TUSC3: variants seen among roughly 807,000 people sequenced by gnomAD.
The protein encoded by TUSC3 is tumor suppressor candidate 3.
Under a neutral mutation model 44.8 loss-of-function variants are expected in TUSC3, and 45 were observed. The observed-to-expected ratio is 1.00, with a 90% CI of 0.79 to 1.29. The LOEUF (loss-of-function observed/expected upper bound fraction) is 1.29. Ranked by LOEUF, TUSC3 falls within the 50% of genes most tolerant of loss-of-function variation. The pLI is 0.00. For missense variants in TUSC3, 519 were observed against 437.9 expected, an observed-to-expected ratio of 1.19 and a Z score of -1.65; for synonymous variants, 212 against 152.9, an observed-to-expected ratio of 1.39 and a Z score of -2.85.
the TUSC3 span, among the ~76,000 whole-genome samples, chr8:15,849,860 A>T: frequency 2.0e-5 from 3 of 152,170 alleles, no homozygotes; most frequent in East Asian, 5.8e-4. Flanking sequence ...GGCTCACTCC[A>T]GTGCTGAGCT....
At chr8:15,710,955 A>T (rs1352347951) in intron 6 of TUSC3, among the ~76,000 whole-genome samples, 3 of 151,124 alleles carry the variant, frequency 2.0e-5, no homozygotes, top group African/African-American at 7.3e-5. Flanking sequence ...ATTTCACTTA[A>T]CTTTGCAGTC....
intron 2 of TUSC3, among the ~76,000 whole-genome samples, chr8:15,493,376 A>G (rs1177470117): frequency 6.6e-6 from 1 of 152,008 alleles, no homozygotes; most frequent in Non-Finnish European, 1.5e-5. Context: ...TCCTCCTGCC[A>G]CAGCCTCCTG....
intron 1 of TUSC3, among the ~76,000 whole-genome samples, chr8:15,438,064 T>G (rs559550494): frequency 1.1e-3 from 161 of 152,264 alleles, no homozygotes; most frequent in Middle Eastern, 6.8e-3. Flanking sequence ...GAAATGAGGT[T>G]GTTGTGTTTT....
At chr8:15,692,386 T>G (rs867091205) in intron 6 of TUSC3, among the ~76,000 whole-genome samples, 2,728 of 142,234 alleles carry the variant, frequency 0.019, 110 homozygotes, top group African/African-American at 0.067. Context: ...TTTTTTTTTT[T>G]TTTTTTTTTT....
rs1206738492 is a variant in TUSC3 at position 15,549,494 on chromosome 8, G to C, written c.138+8926G>C. 2.6e-5 allele frequency among the ~76,000 whole-genome samples: 4 copies of C among 151,572 alleles called. 1 individual carries two copies. Among genetic ancestry groups the C allele is most frequent in the South Asian group, 2.1e-4 (1 of 4,784 alleles). On this transcript the variant is annotated intron_variant, in intron 1 of 10. Coordinates refer to ENST00000503731, the MANE Select transcript of TUSC3 (RefSeq NM_006765.4). ...GCCTAATGTACTTACTTATTTTTTTGTGTGTGCCTATAATTGATTGGTAGG... is the reference window on the plus strand; with the variant it reads ...GCCTAATGTACTTACTTATTTTTTTCTGTGTGCCTATAATTGATTGGTAGG...
At chr8:15,555,000 A>C (rs1294802869) in intron 1 of TUSC3, among the ~76,000 whole-genome samples, 1 of 151,504 alleles carries the variant, frequency 6.6e-6, no homozygotes, top group African/African-American at 2.4e-5. Context: ...GGGCTATTTA[A>C]GTTTGGGGTT....
At chr8:15,494,056 T>C (rs892258055) in intron 2 of TUSC3, among the ~76,000 whole-genome samples, 2 of 152,184 alleles carry the variant, frequency 1.3e-5, no homozygotes, top group Non-Finnish European at 2.9e-5. Context: ...AGATCTTTGT[T>C]CAAAAATAAC....
intron 6 of TUSC3, among the ~76,000 whole-genome samples, chr8:15,705,352 G>A (rs1347509400): frequency 3.3e-5 from 5 of 151,908 alleles, no homozygotes; most frequent in Non-Finnish European, 7.4e-5. Flanking sequence ...TCAAATTATT[G>A]TTATGGAAAA....
intron 1 of TUSC3, among the ~76,000 whole-genome samples, chr8:15,617,002 G>A (rs554178711): frequency 1.8e-4 from 27 of 152,238 alleles, no homozygotes; most frequent in African/African-American, 6.3e-4. Flanking sequence ...AGAGATTTCC[G>A]GCTAGCGAAG....
chr8:15,839,141 A>G, the TUSC3 span, among the ~76,000 whole-genome samples: 1 of 152,140 alleles, frequency 6.6e-6, no homozygotes. Flanking sequence ...GAGTTCACTC[A>G]TGATTTGGCT....
chr8:15,568,999 C>T (rs1802772267), intron 1 of TUSC3, among the ~76,000 whole-genome samples: 1 of 151,834 alleles, frequency 6.6e-6, no homozygotes, highest in Non-Finnish European at 1.5e-5. Context: ...GTAAATATTG[C>T]CAAGTAGACC....
intron 2 of TUSC3, among the ~76,000 whole-genome samples, chr8:15,506,222 T>C (rs1212276269): frequency 6.6e-6 from 1 of 152,142 alleles, no homozygotes; most frequent in Non-Finnish European, 1.5e-5. Context: ...AAGCAAAAGT[T>C]TTTCTCTGAG....
At chr8:15,523,131 A>G (rs1801320098) in intron 2 of TUSC3, among the ~76,000 whole-genome samples, 1 of 152,090 alleles carries the variant, frequency 6.6e-6, no homozygotes. Context: ...GCCGTAGGAA[A>G]GTTTCTTTCC....
intron 1 of TUSC3, among the ~76,000 whole-genome samples, chr8:15,556,247 A>G (rs1338370817): frequency 6.9e-6 from 1 of 144,676 alleles, no homozygotes; most frequent in East Asian, 2.2e-4. Flanking sequence ...ATGAGTGAGA[A>G]TATGCGGTGT....
chr8:15,784,736 G>A, the TUSC3 span, among the ~76,000 whole-genome samples: 1 of 152,078 alleles, frequency 6.6e-6, no homozygotes, highest in Non-Finnish European at 1.5e-5. Flanking sequence ...GCAGAGAATG[G>A]AATGATGGCT....
chr8:15,461,408 C>A lies in TUSC3; in HGVS notation n.92-21978C>A, dbSNP rs187601719. 1.9e-3 allele frequency among the ~76,000 whole-genome samples: 284 copies of A among 152,084 alleles called. 3 individuals are homozygous for A. Among genetic ancestry groups the A allele is most frequent in the African/African-American group, 6.4e-3 (266 of 41,508 alleles). Reference sequence around the variant, plus strand: ...TTGTATCCAGAAACTTTACTGAATTCTTTTATCAGTTCTAGGGGCTTTCTG... The same window carrying A: ...TTGTATCCAGAAACTTTACTGAATTATTTTATCAGTTCTAGGGGCTTTCTG... On this transcript the variant is annotated intron_variant and non_coding_transcript_variant, in intron 1 of 5. Coordinates refer to the TUSC3 transcript ENST00000503191.
chr8:15,703,749 T>C (rs545686264), intron 6 of TUSC3, among the ~76,000 whole-genome samples: 19 of 152,174 alleles, frequency 1.2e-4, no homozygotes, highest in African/African-American at 4.3e-4. Flanking sequence ...GAGAACTCAT[T>C]CATTACTGGG....
intron 1 of TUSC3, among the ~76,000 whole-genome samples, chr8:15,603,254 C>T (rs558297341): frequency 6.6e-6 from 1 of 151,552 alleles, no homozygotes; most frequent in East Asian, 1.9e-4. Flanking sequence ...TGTTAATAAA[C>T]AATATATGTA....
chr8:15,702,940 A>G (rs1023984577), intron 6 of TUSC3, among the ~76,000 whole-genome samples: 3 of 152,164 alleles, frequency 2.0e-5, no homozygotes, highest in African/African-American at 4.8e-5. Flanking sequence ...GTTTACGTGC[A>G]TGATGCCAAG....
Sources: allele counts gnomAD v4.1 joint callset (sites outside exome capture counted in the v4.1 genomes callset), GRCh38; gene constraint gnomAD v4.1.1; transcripts MANE v1.5; gene names NCBI Gene and HGNC (gene_info 2026-07-23, HGNC 2026-07-21).